The following OR2T27 variants were observed in gnomAD, a reference collection of about 807,000 sequenced individuals.
OR2T27 encodes the protein olfactory receptor family 2 subfamily T member 27.
For synonymous variants in OR2T27, 51 were observed against 152.9 expected (o/e 0.33, Z 4.92); for missense variants, 152 against 397.2 (o/e 0.38, Z 5.25).
rs559591642 is a variant in OR2T27 at position 248,650,540 on chromosome 1, TAGG to T, written c.342_344del (p.Leu115del). ...CGTAGCGATCATAGGACATGAGTCC[TAGG>T]AGGAAGAACTCAGCCCCTGCTAAGG... On this transcript the variant is annotated inframe_deletion, in exon 2 of 2. Transcript: ENST00000460972. 208 of 1,308,284 alleles carry T rather than the reference TAGG, an allele frequency of 1.6e-4. No individual in the cohort carries two copies. In the African/African-American group the frequency reaches 2.6e-3, roughly 16 times the overall value. 81.0% of individuals were successfully genotyped at this position (1,308,284 alleles called of 1,614,324 possible). A position where few individuals can be genotyped will look rare whatever the true frequency, so the allele number is the denominator to read the frequency against.
At chr1:248,653,824 A>G (rs1410716124) in intron 1 of OR2T27, among the ~76,000 whole-genome samples, 1 of 121,812 alleles carries the variant, frequency 8.2e-6, no homozygotes, top group East Asian at 2.6e-4. Context: ...ATTTTTTATT[A>G]ATATTCTTTT....
At position 248,649,885 on chromosome 1, in the gene OR2T27, G is replaced by A; in HGVS notation, c.*46C>T. On this transcript the variant is annotated 3_prime_UTR_variant, in exon 2 of 2. Transcript: ENST00000460972. The stretch of plus-strand genomic sequence containing the variant: ...ATTTAAATTCAAGGGCAATGATAAA[G>A]TCTTGTATCCTTCATTTCAAGTCTC... 1 of 1,309,920 alleles carries A rather than the reference G, an allele frequency of 7.6e-7. No homozygotes were observed. The highest frequency in any genetic ancestry group is 1.1e-6 in the Non-Finnish European group (1 of 916,908). 81.1% of individuals were successfully genotyped at this position (1,309,920 alleles called of 1,614,324 possible).
chr1:248,651,991 C>A (rs1208719926), intron 1 of OR2T27, among the ~76,000 whole-genome samples: 9 of 151,214 alleles, frequency 6.0e-5, no homozygotes, highest in Admixed American at 2.0e-4. Context: ...ATTAGTTTCA[C>A]CTATTTTTTA....
In OR2T27 at chr1:248,649,892, A is replaced by G. The variant is rs1185905891; in HGVS notation, c.*39T>C. The G allele has an allele frequency of 1.5e-6, 2 of 1,353,942 alleles. No homozygotes were observed. Among genetic ancestry groups the G allele is most frequent in the African/African-American group, 3.2e-5 (2 of 63,026 alleles). 83.9% of individuals were successfully genotyped at this position (1,353,942 alleles called of 1,614,324 possible). On this transcript the variant is annotated 3_prime_UTR_variant, in exon 2 of 2. Transcript: ENST00000460972. ...TTCAAGGGCAATGATAAAGTCTTGT[A>G]TCCTTCATTTCAAGTCTCTAGCAGC...
chr1:248,649,843 G>C lies in OR2T27; in HGVS notation c.*88C>G. 3.2e-6 allele frequency: 3 copies of C among 939,122 alleles called. No homozygotes were observed. The South Asian group carries it at 4.3e-5, about 14-fold the overall frequency. The allele number at this position is 939,122 out of a possible 1,614,324, so 58.2% of individuals were successfully genotyped here. On this transcript the variant is annotated 3_prime_UTR_variant, in exon 2 of 2. Coordinates refer to ENST00000460972, the MANE Select transcript of OR2T27 (RefSeq NM_001001824.2). ...ACAGTTGGTGGCATGTGGGTCACTT[G>C]TTTCCAGGCAGAGAATATTTAAATT... is the stretch of plus-strand genomic sequence containing the variant.
At position 248,649,989 on chromosome 1, in the gene OR2T27, CCT is replaced by C. The variant is rs781501717; in HGVS notation, c.894_895del (p.Ala300ProfsTer28). 3.5e-5 allele frequency: 55 copies of C among 1,577,462 alleles called. 4 individuals carry two copies. Among genetic ancestry groups the C allele is most frequent in the Admixed American group, 5.1e-5 (3 of 58,604 alleles). ...CCTCCCCACAACCTTCTGTAGGGCC[CCT>C]GTGACATCCTTGTTCCTAAGGCTGT... On this transcript the variant is annotated frameshift_variant, in exon 2 of 2. Transcript: ENST00000460972. LOFTEE classifies it low-confidence loss of function (END_TRUNC).
intron 1 of OR2T27, among the ~76,000 whole-genome samples, chr1:248,655,216 T>C (rs1266705571): frequency 2.4e-5 from 1 of 41,026 alleles, no homozygotes; most frequent in East Asian, 1.5e-3. Context: ...AGTAATCTGC[T>C]ACATTCTGAT....
At chr1:248,655,230 C>T (rs1258087457) in intron 1 of OR2T27, among the ~76,000 whole-genome samples, 1 of 42,404 alleles carries the variant, frequency 2.4e-5, no homozygotes, top group Non-Finnish European at 1.6e-4. Context: ...TTCTGATGTA[C>T]AGAAAAGATA....
At chr1:248,652,198 A>G (rs1661034208) in intron 1 of OR2T27, among the ~76,000 whole-genome samples, 1 of 151,952 alleles carries the variant, frequency 6.6e-6, no homozygotes, top group African/African-American at 2.4e-5. Context: ...AATTAGAAAA[A>G]TGGCTTTACT....
At chr1:248,652,263 A>G (rs1661036517) in intron 1 of OR2T27, among the ~76,000 whole-genome samples, 1 of 151,372 alleles carries the variant, frequency 6.6e-6, no homozygotes, top group Admixed American at 6.6e-5. Context: ...TGATTCGTAA[A>G]TTTTACGTTT....
intron 1 of OR2T27, among the ~76,000 whole-genome samples, chr1:248,652,252 G>A (rs77274005): frequency 7.0e-6 from 1 of 142,196 alleles, no homozygotes; most frequent in Non-Finnish European, 1.5e-5. Context: ...ACATTAATAA[G>A]TGATTCGTAA....
chr1:248,653,815 T>G (rs1442201622), intron 1 of OR2T27, among the ~76,000 whole-genome samples: 1 of 16,704 alleles, frequency 6.0e-5, no homozygotes, highest in Non-Finnish European at 5.3e-4. Context: ...TAGATTTTTA[T>G]TTTTTATTAA....
At position 248,649,950 on chromosome 1, in the gene OR2T27, C is replaced by T. The variant is rs528356076; in HGVS notation, c.935G>A (p.Gly312Glu). ...QKVVGRCVSS[G>E]KVTTF ...ATTTCTTTAGAAAGTGGTTACCTTT[C>T]CTGAGGACACACACCTCCCCACAAC... Residue 312 changes from glycine to glutamate, a missense_variant, in exon 2 of 2, where the codon GGA becomes GAA. By Grantham distance (98) the Gly-to-Glu change is moderately conservative. Transcript: ENST00000460972. 28 of 1,575,518 alleles carry T rather than the reference C, an allele frequency of 1.8e-5. 3 individuals carry two copies. In the East Asian group the frequency reaches 5.5e-4, roughly 31 times the overall value.
rs146075383 is a variant in OR2T27, at chr1:248,649,838, C to G, written c.*93G>C. ...GCCCCACAGTTGGTGGCATGTGGGT[C>G]ACTTGTTTCCAGGCAGAGAATATTT... On this transcript the variant is annotated 3_prime_UTR_variant, in exon 2 of 2. Coordinates refer to ENST00000460972, the MANE Select transcript of OR2T27 (RefSeq NM_001001824.2). The G allele has an allele frequency of 0.014, 12,193 of 878,502 alleles. 1,364 individuals are homozygous for G. In the African/African-American group the frequency reaches 0.18, roughly 13 times the overall value. The allele number at this position is 878,502 out of a possible 1,614,324, so 54.4% of individuals were successfully genotyped here.
At chr1:248,653,630 T>TA (rs201995240) in intron 1 of OR2T27, among the ~76,000 whole-genome samples, 1,650 of 57,788 alleles carry the variant, frequency 0.029, 155 homozygotes, top group African/African-American at 0.047. Flanking sequence ...GTTAAATGCT[T>TA]AACAGTAAGA....
rs1301924154 is a variant in OR2T27 at position 248,651,638 on chromosome 1, CTAGTT to C, written c.-4-755_-4-751del. The stretch of plus-strand genomic sequence containing the variant: ...CCCATTTAACTTATGAAAAAATAAA[CTAGTT>C]TAAGTATTAGACCTAGTGTATCCCA... On this transcript the variant is annotated intron_variant, in intron 1 of 1. Transcript: ENST00000460972. 2 of 71,394 alleles carry C rather than the reference CTAGTT, an allele frequency of 2.8e-5. 1 individual carries two copies. The highest frequency in any genetic ancestry group is 9.5e-5 in the Non-Finnish European group (2 of 21,080). 4.4% of individuals were successfully genotyped at this position (71,394 alleles called of 1,614,324 possible). A position where few individuals can be genotyped will look rare whatever the true frequency, so the allele number is the denominator to read the frequency against.
In OR2T27 at chr1:248,650,872, T is replaced by C; in HGVS notation, c.13A>G (p.Asn5Asp). Reference protein sequence around the residue: MEQSNYSVYADFILL... With the variant: MEQSDYSVYADFILL... ...ATAAAGTCGGCATACACGGAATAAT[T>C]GCTCTGCTCCATAGCTCTGTAGGGT... The change falls in exon 2 of 2, where the codon AAT (asparagine) becomes GAT (aspartate). Residue 5 changes from asparagine (N) to aspartate (D), a missense_variant. Transcript: ENST00000460972. 1 of 1,556,532 alleles carries C rather than the reference T, an allele frequency of 6.4e-7. No individual in the cohort carries two copies. The highest frequency in any genetic ancestry group is 8.7e-7 in the Non-Finnish European group (1 of 1,148,328).
intron 1 of OR2T27, among the ~76,000 whole-genome samples, chr1:248,651,889 A>ACAT (rs1558181649): frequency 1.1e-5 from 1 of 89,162 alleles, no homozygotes; most frequent in African/African-American, 3.3e-5. Context: ...CACAAAGTTA[A>ACAT]TTCAAACACC....
chr1:248,655,204 C>A (rs1661091269), intron 1 of OR2T27, among the ~76,000 whole-genome samples: 1 of 39,872 alleles, frequency 2.5e-5, no homozygotes, highest in Non-Finnish European at 2.0e-4. Context: ...GCATAGAATT[C>A]AAGTAATCTG....
Sources: gnomAD v4.1 joint callset for allele counts (sites outside exome capture counted in the v4.1 genomes callset) on GRCh38, gnomAD v4.1.1 for gene constraint, MANE v1.5 for transcripts, NCBI Gene and HGNC (gene_info 2026-07-23, HGNC 2026-07-21) for gene names.